OSBPL9: variants seen among roughly 807,000 people sequenced by gnomAD.
OSBPL9 encodes the protein oxysterol binding protein like 9.
A neutral mutation model predicts 106.6 loss-of-function variants in OSBPL9; 40 were observed. The observed-to-expected ratio is 0.38, with a 90% confidence interval of 0.29 to 0.49. The LOEUF is 0.49. OSBPL9 is among the 20% of genes least tolerant of loss of function. OSBPL9 has a pLI of 0.97. For synonymous variants in OSBPL9, 269 were observed against 295.4 expected (o/e 0.91, Z 0.92); for missense variants, 609 against 887.2 (o/e 0.69, Z 3.98).
intron 1 of OSBPL9, among the ~76,000 whole-genome samples, chr1:51,644,960 C>T (rs529972328): frequency 5.6e-4 from 85 of 152,274 alleles, no homozygotes; most frequent in African/African-American, 1.9e-3. Context: ...AACTTAACTG[C>T]AACACTGCAA....
intron 3 of OSBPL9, among the ~76,000 whole-genome samples, chr1:51,692,464 T>C (rs982298683): frequency 5.3e-5 from 8 of 152,198 alleles, no homozygotes; most frequent in African/African-American, 1.9e-4. Flanking sequence ...AGCAGTAGAT[T>C]TGTTTACACC....
intron 3 of OSBPL9, among the ~76,000 whole-genome samples, chr1:51,713,135 T>C (rs147781866): frequency 6.6e-6 from 1 of 152,056 alleles, no homozygotes; most frequent in Non-Finnish European, 1.5e-5. Context: ...TTTTTTTGTT[T>C]TTTTATTTTA....
chr1:51,542,348 C>A, the OSBPL9 span, among the ~76,000 whole-genome samples: 1 of 152,194 alleles, frequency 6.6e-6, no homozygotes, highest in Non-Finnish European at 1.5e-5. Flanking sequence ...TAAGAGTCAT[C>A]ATTACATCCC....
Position 51,729,846 on chromosome 1 carries a change from G to T in OSBPL9, c.319-15690G>T. ...GGTGAAGGGGGTGTCCCGGGGGACG[G>T]GCTGAACCTCAGTCAGGACCGCCTG... On this transcript the variant is annotated intron_variant, in intron 4 of 23. Transcript: ENST00000428468. This position sits in a 1 kb window ranked among gnomAD's most constrained non-coding sequence, Gnocchi z 5.1. 1 of 1,246,618 alleles carries T rather than the reference G, an allele frequency of 8.0e-7. No homozygotes were observed. 77.2% of individuals were successfully genotyped at this position (1,246,618 alleles called of 1,614,324 possible).
At chr1:51,736,431 A>G (rs534532478) in intron 4 of OSBPL9, among the ~76,000 whole-genome samples, 14 of 152,242 alleles carry the variant, frequency 9.2e-5, no homozygotes, top group African/African-American at 2.6e-4. Context: ...CTGATCATCT[A>G]TCTGTTAGTC....
chr1:51,698,605 G>T (rs1656597249), intron 3 of OSBPL9, among the ~76,000 whole-genome samples: 1 of 152,162 alleles, frequency 6.6e-6, no homozygotes, highest in Non-Finnish European at 1.5e-5. Context: ...AAGCAAGCTG[G>T]AAAATATAAT....
chr1:51,778,866 C>G (rs1173842746), intron 15 of OSBPL9, among the ~76,000 whole-genome samples: 8 of 152,064 alleles, frequency 5.3e-5, no homozygotes, highest in Admixed American at 6.6e-5. Context: ...AAATGTTTAT[C>G]AAGATAGAAC....
chr1:51,756,504 C>T (rs1487430475), intron 9 of OSBPL9, 146 bp downstream of exon 9: 2 of 706,086 alleles, frequency 2.8e-6, no homozygotes, highest in Non-Finnish European at 4.7e-6. Flanking sequence ...TTCCTTTAAG[C>T]TCCCTTCTTT....
intron 3 of OSBPL9, chr1:51,707,064 A>G: frequency 4.6e-6 from 1 of 215,288 alleles, no homozygotes; most frequent in South Asian, 5.5e-5. Context: ...TGCAGCAGGT[A>G]TTCCCCAGCA....
chr1:51,782,533 G>C, intron 16 of OSBPL9, 26 bp from the exon 17 acceptor site: 1 of 1,608,036 alleles, frequency 6.2e-7, no homozygotes, highest in Non-Finnish European at 8.5e-7. Context: ...CTCATCAAAA[G>C]AAAATTATGT....
upstream of OSBPL9, among the ~76,000 whole-genome samples, chr1:51,575,484 T>C (rs1416728105): frequency 6.6e-6 from 1 of 152,040 alleles, no homozygotes; most frequent in Admixed American, 6.6e-5. Context: ...GTGCTAGGAT[T>C]ACAGGCGTGA....
At chr1:51,572,494 C>T (rs1009052928), upstream of OSBPL9, among the ~76,000 whole-genome samples, 6 of 152,164 alleles carry the variant, frequency 3.9e-5, no homozygotes, top group Non-Finnish European at 1.5e-5. Context: ...CACTAAGCTC[C>T]TCTAGGGAAG....
At chr1:51,584,737 T>A (rs139370880) in intron 1 of OSBPL9, among the ~76,000 whole-genome samples, 1,689 of 152,094 alleles carry the variant, frequency 0.011, 15 homozygotes, top group Middle Eastern at 0.024. Context: ...AAAATAAAAT[T>A]AAATTAAAAT....
intron 2 of OSBPL9, among the ~76,000 whole-genome samples, chr1:51,653,998 A>G (rs1316537785): frequency 6.6e-6 from 1 of 151,786 alleles, no homozygotes; most frequent in African/African-American, 2.4e-5. Context: ...TGAGACCCTG[A>G]GACCCTATCT....
intron 4 of OSBPL9, among the ~76,000 whole-genome samples, chr1:51,717,053 C>T (rs1365386790): frequency 6.6e-6 from 1 of 152,054 alleles, no homozygotes; most frequent in East Asian, 1.9e-4. Flanking sequence ...GCAACCTCTG[C>T]CTCCCCTGCT....
At chr1:51,787,163 T>C (rs183805613) in intron 22 of OSBPL9, among the ~76,000 whole-genome samples, 190 bp from the exon 23 acceptor site, 1 of 152,188 alleles carries the variant, frequency 6.6e-6, no homozygotes, top group Non-Finnish European at 1.5e-5. Context: ...TTTCCTTCTT[T>C]GACAACTAGC....
intron 9 of OSBPL9, among the ~76,000 whole-genome samples, chr1:51,758,460 A>G (rs1279127473): frequency 2.0e-5 from 3 of 150,942 alleles, no homozygotes; most frequent in Non-Finnish European, 4.4e-5. Flanking sequence ...TTTGGGATCC[A>G]CTTGCTTCCT....
chr1:51,617,320 G>A, intron 1 of OSBPL9, 99 bp downstream of exon 1: 3 of 1,224,548 alleles, frequency 2.4e-6, no homozygotes, highest in Non-Finnish European at 1.1e-6. Context: ...GAGGTTGCTA[G>A]TCTGGGGGTG....
At chr1:51,669,547 T>A in intron 3 of OSBPL9, 35 bp downstream of exon 3, 1 of 1,587,606 alleles carries the variant, frequency 6.3e-7, no homozygotes, top group East Asian at 2.2e-5. Flanking sequence ...CTCTTCATAG[T>A]CCCATCTGCT....
Sources: gnomAD v4.1 joint callset for allele counts (sites outside exome capture counted in the v4.1 genomes callset) on GRCh38, gnomAD v4.1.1 for gene constraint, Gnocchi (gnomAD v3.1) non-coding constraint, MANE v1.5 for transcripts, NCBI Gene and HGNC (gene_info 2026-07-23, HGNC 2026-07-21) for gene names.